Variants in GRID1 observed in about 807,000 individuals in gnomAD.
GRID1 encodes glutamate ionotropic receptor delta type subunit 1.
GRID1 carries 28 observed loss-of-function variants against 98.0 expected under a neutral mutation model. That is an observed-to-expected ratio of 0.29 (90% CI 0.21 to 0.39). The LOEUF (loss-of-function observed/expected upper bound fraction) is 0.39, where lower values mean the gene tolerates loss of function less well. GRID1 is among the 10% of genes least tolerant of loss of function. The probability of loss-of-function intolerance (pLI) is 1.00; values close to 1 mark genes in which losing one functional copy is unlikely to be tolerated. For missense variants in GRID1, 1,111 were observed against 1,340.5 expected, an observed-to-expected ratio of 0.83 and a Z score of 2.67; for synonymous variants, 553 against 538.5, an observed-to-expected ratio of 1.03 and a Z score of -0.37.
At chr10:86,352,797 G>A (rs1262601368) in intron 2 of GRID1, among the ~76,000 whole-genome samples, 4 of 152,066 alleles carry the variant, frequency 2.6e-5, no homozygotes, top group Non-Finnish European at 5.9e-5. Context: ...AAGAACTCTG[G>A]CATCTGCTGA....
intron 3 of GRID1, among the ~76,000 whole-genome samples, chr10:86,201,231 T>TA (rs2132015259): frequency 6.6e-6 from 1 of 152,318 alleles, no homozygotes; most frequent in Non-Finnish European, 1.5e-5. Flanking sequence ...TAAAAATGAT[T>TA]AATACATCCA....
At chr10:85,883,700 A>C (rs892388319) in intron 5 of GRID1, among the ~76,000 whole-genome samples, 11 of 152,202 alleles carry the variant, frequency 7.2e-5, no homozygotes, top group Non-Finnish European at 1.3e-4. Flanking sequence ...AACTAGGAGC[A>C]CTAGTTATCT....
intron 3 of GRID1, among the ~76,000 whole-genome samples, chr10:86,193,873 G>A (rs971761211): frequency 1.3e-5 from 2 of 151,318 alleles, no homozygotes; most frequent in Non-Finnish European, 3.0e-5. Context: ...TCCCACTACC[G>A]CTCACTCCCA....
At chr10:86,097,909 G>C (rs766754525) in intron 4 of GRID1, among the ~76,000 whole-genome samples, 26 of 152,124 alleles carry the variant, frequency 1.7e-4, no homozygotes, top group Non-Finnish European at 3.7e-4. Context: ...AAAAGAGACA[G>C]TAATAAATAA....
rs559988258 is a variant in GRID1 at position 85,682,888 on chromosome 10, G to A, written c.1998-35491C>T. Reference sequence around the variant, plus strand: ...CCTCTTTAGATGTGCAAGAAGATTCGCCTTCTGGCATCCCTCCCCAGGGAA... The same window carrying A: ...CCTCTTTAGATGTGCAAGAAGATTCACCTTCTGGCATCCCTCCCCAGGGAA... On this transcript the variant is annotated intron_variant, in intron 12 of 15. Coordinates refer to ENST00000327946, the MANE Select transcript of GRID1 (RefSeq NM_017551.3). Among the ~76,000 whole-genome samples the A allele has an allele frequency of 2.8e-4, 43 of 152,294 alleles. No homozygotes were observed. The South Asian group carries it at 5.0e-3, about 18-fold the overall frequency.
At chr10:86,194,934 C>T (rs1196140037) in intron 3 of GRID1, among the ~76,000 whole-genome samples, 1 of 152,074 alleles carries the variant, frequency 6.6e-6, no homozygotes, top group Non-Finnish European at 1.5e-5. Flanking sequence ...GCCTGCCTTG[C>T]TCTCCTCCTG....
intron 4 of GRID1, among the ~76,000 whole-genome samples, chr10:85,951,929 T>C (rs1842130931): frequency 6.6e-6 from 1 of 152,176 alleles, no homozygotes; most frequent in South Asian, 2.1e-4. Context: ...CTTGCCTGAG[T>C]AGGTCCATAC....
At chr10:85,993,283 G>T (rs1176774855) in intron 4 of GRID1, among the ~76,000 whole-genome samples, 1 of 152,172 alleles carries the variant, frequency 6.6e-6, no homozygotes, top group Non-Finnish European at 1.5e-5. Context: ...TTTGGCCAAG[G>T]TAAGCAAGGC....
chr10:85,982,920 G>A (rs983719417), intron 4 of GRID1, among the ~76,000 whole-genome samples: 6 of 152,164 alleles, frequency 3.9e-5, no homozygotes, highest in Non-Finnish European at 5.9e-5. Flanking sequence ...AATCAAGACT[G>A]TAAAAACCTG....
intron 2 of GRID1, among the ~76,000 whole-genome samples, chr10:86,232,216 A>AGCTCCAGTGGCCCACGGCAGTG (rs1846466761): frequency 6.6e-6 from 1 of 152,168 alleles, no homozygotes; most frequent in Admixed American, 6.5e-5. Context: ...CCAGGGGAAT[A>AGCTCCAGTGGCCCACGGCAGTG]ACGCAGCCGT....
intron 12 of GRID1, among the ~76,000 whole-genome samples, chr10:85,648,611 T>G (rs925703639): frequency 1.3e-5 from 2 of 152,306 alleles, no homozygotes; most frequent in East Asian, 3.9e-4. Context: ...TCTCCCCACC[T>G]GCACACAGAA....
At chr10:85,678,548 C>A (rs950192411) in intron 12 of GRID1, among the ~76,000 whole-genome samples, 11 of 152,082 alleles carry the variant, frequency 7.2e-5, no homozygotes, top group Admixed American at 7.2e-4. Flanking sequence ...GAGGTCCCAT[C>A]CCCTCATGTG....
intron 12 of GRID1, among the ~76,000 whole-genome samples, chr10:85,699,083 C>T (rs1564563448): frequency 6.6e-6 from 1 of 151,876 alleles, no homozygotes; most frequent in South Asian, 2.1e-4. Flanking sequence ...GATAGAGTCT[C>T]ACTCTGTGGC....
At chr10:85,713,802 T>A (rs1427349478) in intron 12 of GRID1, among the ~76,000 whole-genome samples, 2 of 151,880 alleles carry the variant, frequency 1.3e-5, no homozygotes, top group Non-Finnish European at 2.9e-5. Context: ...AAATTTAACA[T>A]CTTTCATGAT....
At chr10:85,771,179 A>C (rs1419532483) in intron 8 of GRID1, among the ~76,000 whole-genome samples, 1 of 152,264 alleles carries the variant, frequency 6.6e-6, no homozygotes, top group East Asian at 1.9e-4. Context: ...AACACTCTTA[A>C]GGAAAAGAAT....
chr10:86,138,666 C>T (rs577978286), intron 4 of GRID1, among the ~76,000 whole-genome samples, 153 bp downstream of exon 4: 1 of 152,212 alleles, frequency 6.6e-6, no homozygotes, highest in Non-Finnish European at 1.5e-5. Flanking sequence ...GAGAATCCCC[C>T]CTTACAGGCT....
At chr10:85,879,664 A>G (rs370115184) in intron 5 of GRID1, among the ~76,000 whole-genome samples, 9,102 of 152,258 alleles carry the variant, frequency 0.06, 315 homozygotes, top group Non-Finnish European at 0.071. Context: ...CCACAAGAGA[A>G]AGCAGGAAAG....
At chr10:85,721,416 C>T (rs539092029) in intron 12 of GRID1, among the ~76,000 whole-genome samples, 1 of 152,272 alleles carries the variant, frequency 6.6e-6, no homozygotes, top group African/African-American at 2.4e-5. Flanking sequence ...CAGCTTTTTT[C>T]ATAATTGCCA....
intron 3 of GRID1, among the ~76,000 whole-genome samples, chr10:86,168,874 A>T (rs1845439476): frequency 6.6e-6 from 1 of 152,332 alleles, no homozygotes; most frequent in East Asian, 1.9e-4. Context: ...AGCACCATTC[A>T]GGGAGACTCC....
Sources: gnomAD v4.1 joint callset for allele counts (sites outside exome capture counted in the v4.1 genomes callset) on GRCh38, gnomAD v4.1.1 for gene constraint, MANE v1.5 for transcripts, NCBI Gene and HGNC (gene_info 2026-07-23, HGNC 2026-07-21) for gene names.